The following ZNF33B variants were observed in gnomAD, a reference collection of about 807,000 sequenced individuals.
ZNF33B encodes zinc finger protein 11b (KOX 2).
In ZNF33B, 29 loss-of-function variants were observed where a neutral mutation model predicts 45.8. The observed-to-expected ratio is 0.63, with a 90% CI of 0.47 to 0.86. The LOEUF (loss-of-function observed/expected upper bound fraction) is 0.86, where lower values mean the gene tolerates loss of function less well. ZNF33B is among the 40% of genes least tolerant of loss of function. The pLI, the probability that ZNF33B is intolerant of heterozygous loss-of-function variation, is 0.00. For synonymous variants in ZNF33B, 305 were observed against 307.8 expected (o/e 0.99, Z 0.10); for missense variants, 831 against 909.9 (o/e 0.91, Z 1.12).
intron 1 of ZNF33B, among the ~76,000 whole-genome samples, chr10:42,575,733 T>C (rs1333642417): frequency 1.4e-5 from 2 of 143,142 alleles, no homozygotes; most frequent in Non-Finnish European, 3.0e-5. Context: ...TATATACATA[T>C]ATATTTTTTT....
chr10:42,587,593 T>C (rs567186679), downstream of ZNF33B, among the ~76,000 whole-genome samples: 1 of 152,276 alleles, frequency 6.6e-6, no homozygotes, highest in South Asian at 2.1e-4. Flanking sequence ...CAAAGCACAG[T>C]GGATGTCACA....
intron 4 of ZNF33B, among the ~76,000 whole-genome samples, chr10:42,620,308 C>G (rs1838516129): frequency 6.6e-6 from 1 of 151,460 alleles, no homozygotes; most frequent in African/African-American, 2.4e-5. Flanking sequence ...AAACAAAATG[C>G]AATATGGCAG....
chr10:42,617,092 CTTTTTTTTTTTT>C (rs199977911), intron 4 of ZNF33B, among the ~76,000 whole-genome samples: 2,680 of 61,312 alleles, frequency 0.044, 89 homozygotes, highest in Middle Eastern at 0.21. Context: ...CATTTTTTCT[CTTTTTTTTTTTT>C]TTTTTTTTTT....
At chr10:42,600,593 G>C (rs1322373905) in intron 4 of ZNF33B, among the ~76,000 whole-genome samples, 3 of 152,004 alleles carry the variant, frequency 2.0e-5, no homozygotes, top group Admixed American at 2.0e-4. Flanking sequence ...AGCATGATTG[G>C]ATCTTATTTT....
rs75045523 is a variant in ZNF33B at position 42,624,771 on chromosome 10, T to C, written c.250+7158A>G. 3.3e-5 allele frequency among the ~76,000 whole-genome samples: 5 copies of C among 152,294 alleles called. No individual in the cohort carries two copies. The East Asian group carries it at 9.7e-4, about 29-fold the overall frequency. On this transcript the variant is annotated intron_variant, in intron 4 of 4. Transcript: ENST00000359467. ...CTGGGTATGCTGGACACAGGGTTGA[T>C]TCATGTCCTGGAACAGGACAGTGCA...
At chr10:42,609,503 A>C (rs1274315193) in intron 4 of ZNF33B, among the ~76,000 whole-genome samples, 1 of 152,204 alleles carries the variant, frequency 6.6e-6, no homozygotes, top group Non-Finnish European at 1.5e-5. Context: ...GGAGAATTTT[A>C]TCAAACATTT....
At chr10:42,634,285 T>C (rs1839189125) in intron 2 of ZNF33B, among the ~76,000 whole-genome samples, 1 of 152,108 alleles carries the variant, frequency 6.6e-6, no homozygotes, top group South Asian at 2.1e-4. Context: ...CAGGTGCCTG[T>C]AATCCCAGTT....
chr10:42,613,028 T>C (rs964523581), intron 4 of ZNF33B, among the ~76,000 whole-genome samples: 5 of 152,162 alleles, frequency 3.3e-5, no homozygotes, highest in Non-Finnish European at 5.9e-5. Flanking sequence ...AACCATCTAA[T>C]TGCATTACAA....
intron 4 of ZNF33B, among the ~76,000 whole-genome samples, chr10:42,618,938 C>A (rs1838449603): frequency 6.6e-6 from 1 of 152,124 alleles, no homozygotes; most frequent in Admixed American, 6.5e-5. Flanking sequence ...TTTCTGCCAA[C>A]TAAAATGGCA....
chr10:42,611,155 T>C (rs1838081097), intron 4 of ZNF33B, among the ~76,000 whole-genome samples: 1 of 151,992 alleles, frequency 6.6e-6, no homozygotes. Flanking sequence ...CTGGCCAATA[T>C]GGTGAAATCC....
At chr10:42,600,291 C>T (rs1483149482) in intron 4 of ZNF33B, among the ~76,000 whole-genome samples, 4 of 152,074 alleles carry the variant, frequency 2.6e-5, no homozygotes, top group Non-Finnish European at 5.9e-5. Flanking sequence ...TAAAAGGATG[C>T]TAAAGCCTCT....
rs767870505 is a variant in ZNF33B at position 42,593,375 on chromosome 10, A to G, written c.1575T>C (p.Tyr525=). The change falls in exon 5 of 5, where the codon TAT becomes TAC. Residue 525 remains tyrosine, a synonymous_variant. Transcript: ENST00000359467. ...AGGTTTTCCCACATTCATAACATTC[A>G]TAAGGTTTCAACCCTGTATGAATTA... ...HQIIHTGLKP[Y]ECYECGKTFC... 8 of 1,613,812 alleles carry G rather than the reference A, an allele frequency of 5.0e-6. No individual in the cohort carries two copies. Among genetic ancestry groups the G allele is most frequent in the African/African-American group, 2.7e-5 (2 of 74,840 alleles).
rs752480843 is a variant in ZNF33B, at chr10:42,593,044, G to A, written c.1906C>T (p.Pro636Ser). Residue 636 changes from proline (P) to serine (S), a missense_variant, in exon 5 of 5, where the codon CCC becomes TCC. Coordinates refer to ENST00000359467, the MANE Select transcript of ZNF33B (RefSeq NM_006955.3). ...TTTCCACACTCATTACATTCATAGG[G>A]TTTCTCCCCTATGTGAATTCTCTGA... is the stretch of plus-strand genomic sequence containing the variant. The part of the protein sequence containing the change: ...QHQRIHIGEK[P>S]YECNECGKAF... 1 of 1,614,000 alleles carries A rather than the reference G, an allele frequency of 6.2e-7. No individual in the cohort carries two copies. The highest frequency in any genetic ancestry group is 8.5e-7 in the Non-Finnish European group (1 of 1,179,966).
At chr10:42,588,507 G>T (rs1035699602), downstream of ZNF33B, among the ~76,000 whole-genome samples, 1 of 152,190 alleles carries the variant, frequency 6.6e-6, no homozygotes, top group African/African-American at 2.4e-5. Flanking sequence ...CACCCTGATG[G>T]TGAAGATGGG....
intron 4 of ZNF33B, among the ~76,000 whole-genome samples, chr10:42,621,754 C>T (rs929359189): frequency 2.0e-5 from 3 of 152,150 alleles, no homozygotes; most frequent in Non-Finnish European, 4.4e-5. Flanking sequence ...ACATCATATT[C>T]ACTGATGAAA....
At chr10:42,615,031 A>G (rs1838254532) in intron 4 of ZNF33B, among the ~76,000 whole-genome samples, 1 of 152,172 alleles carries the variant, frequency 6.6e-6, no homozygotes, top group Non-Finnish European at 1.5e-5. Context: ...CCTCTTTACA[A>G]CTACTGGATT....
intron 2 of ZNF33B, among the ~76,000 whole-genome samples, chr10:42,633,310 T>C (rs1318683027): frequency 6.6e-6 from 1 of 152,178 alleles, no homozygotes; most frequent in African/African-American, 2.4e-5. Flanking sequence ...GTTCTGGATA[T>C]CCTCTAGGGC....
intron 4 of ZNF33B, among the ~76,000 whole-genome samples, chr10:42,597,883 C>T (rs1046245763): frequency 2.6e-5 from 4 of 152,128 alleles, no homozygotes; most frequent in South Asian, 2.1e-4. Context: ...TTTCCTCTGA[C>T]ATTTCCTACA....
rs1037598237 is a variant in ZNF33B at position 42,594,204 on chromosome 10, T to C, written c.746A>G (p.Tyr249Cys). 1.2e-6 allele frequency: 2 copies of C among 1,613,742 alleles called. No homozygotes were observed. Among genetic ancestry groups the C allele is most frequent in the Non-Finnish European group, 1.7e-6 (2 of 1,179,920 alleles). ...ACAGAAAGTTCTCCCAAATTCATTA[T>C]AGTCACAGTTATTCTCTTCTGCATT... ...RENAEENNCD[Y>C]NEFGRTFCDS... Residue 249 changes from tyrosine (Y) to cysteine (C), a missense_variant, in exon 5 of 5, where the codon TAT (tyrosine) becomes TGT (cysteine). Physicochemically the swap from Tyr to Cys is radical, Grantham distance 194. Transcript: ENST00000359467.
Sources: gnomAD v4.1 joint callset for allele counts (sites outside exome capture counted in the v4.1 genomes callset) on GRCh38, gnomAD v4.1.1 for gene constraint, MANE v1.5 for transcripts, NCBI Gene and HGNC (gene_info 2026-07-23, HGNC 2026-07-21) for gene names.